The following NEK7 variants were observed in gnomAD, a reference collection of about 807,000 sequenced individuals.
NEK7 encodes the protein NIMA related kinase 7.
In NEK7, 18 loss-of-function variants were observed where a neutral mutation model predicts 44.6. The ratio of observed to expected loss-of-function variants is 0.40; its 90% CI spans 0.28 to 0.60. The LOEUF (loss-of-function observed/expected upper bound fraction) is 0.60, where lower values mean the gene tolerates loss of function less well. Among genes scored for constraint, NEK7 ranks in the 20% least tolerant of loss-of-function variants. The pLI, the probability that NEK7 is intolerant of heterozygous loss-of-function variation, is 0.38. For missense variants in NEK7, 256 were observed against 366.5 expected, an observed-to-expected ratio of 0.70 and a Z score of 2.46; for synonymous variants, 130 against 121.1, an observed-to-expected ratio of 1.07 and a Z score of -0.48.
intron 7 of NEK7, among the ~76,000 whole-genome samples, chr1:198,283,064 A>G (rs1654258475): frequency 6.6e-6 from 1 of 152,142 alleles, no homozygotes; most frequent in Non-Finnish European, 1.5e-5. Flanking sequence ...CTATGAAATA[A>G]TGTCCCAGGT....
At chr1:198,174,729 G>C (rs1664555333) in intron 1 of NEK7, among the ~76,000 whole-genome samples, 1 of 151,810 alleles carries the variant, frequency 6.6e-6, no homozygotes. Flanking sequence ...GGATAGGAAA[G>C]CATTGTGTTT....
At chr1:198,236,036 A>G (rs1425346433) in intron 2 of NEK7, among the ~76,000 whole-genome samples, 2 of 152,112 alleles carry the variant, frequency 1.3e-5, no homozygotes, top group African/African-American at 4.8e-5. Flanking sequence ...ATCTCTGTGG[A>G]GTGACTGTGG....
At chr1:198,184,036 G>C (rs1043339930) in intron 1 of NEK7, among the ~76,000 whole-genome samples, 6 of 152,092 alleles carry the variant, frequency 3.9e-5, no homozygotes, top group Non-Finnish European at 5.9e-5. Context: ...TTTAATAGTT[G>C]GATGTTTACT....
At chr1:198,228,736 T>C (rs1384646068) in intron 1 of NEK7, among the ~76,000 whole-genome samples, 1 of 152,202 alleles carries the variant, frequency 6.6e-6, no homozygotes, top group Non-Finnish European at 1.5e-5. Flanking sequence ...GAGACTTTGC[T>C]GAAGTTGCCT....
At chr1:198,181,980 T>C (rs1664780528) in intron 1 of NEK7, among the ~76,000 whole-genome samples, 1 of 152,004 alleles carries the variant, frequency 6.6e-6, no homozygotes, top group Non-Finnish European at 1.5e-5. Flanking sequence ...TAGAAAAAAG[T>C]GATATATATA....
chr1:198,269,422 A>T (rs1653767444), intron 5 of NEK7, among the ~76,000 whole-genome samples: 1 of 152,056 alleles, frequency 6.6e-6, no homozygotes, highest in South Asian at 2.1e-4. Context: ...CATGCTTATT[A>T]GTTCTGTAAG....
chr1:198,318,939 A>G (rs16842776), intron 9 of NEK7, among the ~76,000 whole-genome samples: 22,883 of 151,974 alleles, frequency 0.15, 2,015 homozygotes, highest in East Asian at 0.43. Context: ...AAAATTTAAC[A>G]TAAAACTTTT....
At chr1:198,171,822 G>C (rs988229506) in intron 1 of NEK7, among the ~76,000 whole-genome samples, 8 of 152,024 alleles carry the variant, frequency 5.3e-5, no homozygotes, top group African/African-American at 1.9e-4. Context: ...CTTCTCCTTT[G>C]CCTGGTTAAC....
chr1:198,308,283 G>A (rs1319043903), intron 9 of NEK7, among the ~76,000 whole-genome samples: 1 of 152,048 alleles, frequency 6.6e-6, no homozygotes, highest in African/African-American at 2.4e-5. Context: ...TCATAATCTG[G>A]ATCTGGTAGA....
intron 9 of NEK7, among the ~76,000 whole-genome samples, chr1:198,315,157 G>T (rs964354287): frequency 6.6e-6 from 1 of 152,166 alleles, no homozygotes; most frequent in Admixed American, 6.5e-5. Context: ...TTTTAAGCCC[G>T]TCGGAAAAGC....
At chr1:198,304,522 T>TG (rs1275575225) in intron 9 of NEK7, among the ~76,000 whole-genome samples, 2 of 152,118 alleles carry the variant, frequency 1.3e-5, no homozygotes, top group Non-Finnish European at 2.9e-5. Flanking sequence ...GGGATTAAGA[T>TG]GGGGGTGAAA....
intron 1 of NEK7, among the ~76,000 whole-genome samples, chr1:198,216,830 A>G (rs1213745765): frequency 2.6e-5 from 4 of 152,036 alleles, no homozygotes; most frequent in African/African-American, 9.7e-5. Flanking sequence ...CAAACTAGAA[A>G]ACATAGAGGA....
rs1238130806 is a variant in NEK7, at chr1:198,278,904, AT to A, written c.482-47del. The A allele has an allele frequency of 3.0e-6, 3 of 1,006,150 alleles. No homozygotes were observed. The African/African-American group carries it at 4.9e-5, about 16-fold the overall frequency. The allele number at this position is 1,006,150 out of a possible 1,614,324, so 62.3% of individuals were successfully genotyped here. A position where few individuals can be genotyped will look rare whatever the true frequency, so the allele number is the denominator to read the frequency against. ...AAAAGTAGTTGTTAATTCCTTTAAA[AT>A]TTCTAAAATGTCTATCATCTTTTAC... On this transcript the variant is annotated intron_variant, in intron 6 of 9. Coordinates refer to ENST00000367385, the MANE Select transcript of NEK7 (RefSeq NM_133494.3).
intron 2 of NEK7, among the ~76,000 whole-genome samples, chr1:198,233,307 A>G (rs575777186): frequency 3.3e-5 from 5 of 152,300 alleles, no homozygotes; most frequent in African/African-American, 1.2e-4. Flanking sequence ...ATCTTTTAGT[A>G]AAAAATGTAC....
intron 1 of NEK7, among the ~76,000 whole-genome samples, chr1:198,158,206 A>G (rs558555359): frequency 6.6e-6 from 1 of 152,306 alleles, no homozygotes; most frequent in African/African-American, 2.4e-5. Context: ...TAAAAAATAT[A>G]CTTAGTTTAC....
intron 9 of NEK7, among the ~76,000 whole-genome samples, chr1:198,316,809 G>C (rs1220578824): frequency 1.3e-5 from 2 of 152,208 alleles, no homozygotes; most frequent in East Asian, 3.8e-4. Flanking sequence ...GAAAATGGAA[G>C]AGGGGGCAAA....
chr1:198,252,680 ATGTT>A (rs1438067250), intron 2 of NEK7, among the ~76,000 whole-genome samples: 3 of 125,120 alleles, frequency 2.4e-5, no homozygotes, highest in South Asian at 5.5e-4. Flanking sequence ...AAACATATGT[ATGTT>A]TATGTATTAA....
At chr1:198,254,420 A>G (rs1053517476) in intron 3 of NEK7, among the ~76,000 whole-genome samples, 5 of 152,126 alleles carry the variant, frequency 3.3e-5, no homozygotes, top group African/African-American at 1.2e-4. Context: ...TAAACTTTAC[A>G]TAAATGAAGC....
rs200915895 is a variant in NEK7, at chr1:198,294,862, TC to T, written c.684+1824del. Among the ~76,000 whole-genome samples the T allele has an allele frequency of 3.3e-3, 500 of 152,298 alleles. 1 individual carries two copies. Among genetic ancestry groups the T allele is most frequent in the African/African-American group, 0.011 (441 of 41,564 alleles). On this transcript the variant is annotated intron_variant, in intron 8 of 9. Transcript: ENST00000367385. ...AATCTTTTAGAAGAACTAGAATTTT[TC>T]TAAAGCTTTAATTTAAATTTATGTT... is the stretch of plus-strand genomic sequence containing the variant.
Sources: gnomAD v4.1 joint callset for allele counts (sites outside exome capture counted in the v4.1 genomes callset) on GRCh38, gnomAD v4.1.1 for gene constraint, MANE v1.5 for transcripts, NCBI Gene and HGNC (gene_info 2026-07-23, HGNC 2026-07-21) for gene names.